The following DRC10 variants were observed in gnomAD, a reference collection of about 807,000 sequenced individuals.
The protein encoded by DRC10 is dynein regulatory complex subunit 10, also known as IQ domain-containing protein D.
chr12:113,196,024 C>G, the DRC10 span: 2 of 1,335,012 alleles, frequency 1.5e-6, no homozygotes, highest in East Asian at 2.5e-5. Flanking sequence ...CAGCATCTCT[C>G]GGTCCCAGTG....
chr12:113,216,266 A>T, the DRC10 span, among the ~76,000 whole-genome samples: 1 of 152,266 alleles, frequency 6.6e-6, no homozygotes, highest in Non-Finnish European at 1.5e-5. Context: ...AAGTGAAAGA[A>T]GCCAATCTGA....
chr12:113,207,033 CT>C, the DRC10 span: 2 of 343,786 alleles, frequency 5.8e-6, no homozygotes, highest in Non-Finnish European at 1.1e-5. Flanking sequence ...GCACTCTAGC[CT>C]GGGCAACAGA....
chr12:113,217,618 A>AC, the DRC10 span, among the ~76,000 whole-genome samples: 1 of 151,624 alleles, frequency 6.6e-6, no homozygotes, highest in Non-Finnish European at 1.5e-5. Context: ...TGCAACCTCC[A>AC]CCCCCCTGGT....
the DRC10 span, chr12:113,197,566 T>C: frequency 6.5e-7 from 1 of 1,534,352 alleles, no homozygotes; most frequent in Non-Finnish European, 8.7e-7. Context: ...CTCTGTATCA[T>C]ATTTCTGGAT....
chr12:113,217,016 G>A, the DRC10 span, among the ~76,000 whole-genome samples: 1 of 152,168 alleles, frequency 6.6e-6, no homozygotes, highest in Admixed American at 6.5e-5. Context: ...TTGAACCCAA[G>A]AGGCGTAGGT....
the DRC10 span, chr12:113,202,926 A>G: frequency 2.6e-6 from 1 of 384,248 alleles, no homozygotes; most frequent in South Asian, 1.9e-5. Context: ...ACACCATCTC[A>G]CAGGGTTTTT....
the DRC10 span, chr12:113,200,445 C>T: frequency 7.6e-6 from 6 of 794,002 alleles, no homozygotes; most frequent in Admixed American, 8.0e-5. Context: ...TTCCCCTCCA[C>T]CAAGCCACTT....
At chr12:113,207,691 A>AAG in the DRC10 span, 1 of 1,613,982 alleles carries the variant, frequency 6.2e-7, no homozygotes, top group African/African-American at 1.3e-5. Flanking sequence ...GTTGCTGAGC[A>AAG]AGAGTCTAAG....
At chr12:113,208,074 AGCTG>A in the DRC10 span, 4 of 1,614,236 alleles carry the variant, frequency 2.5e-6, no homozygotes, top group Non-Finnish European at 2.5e-6. Context: ...TTAGTGGATC[AGCTG>A]GCCTTTTAGA....
the DRC10 span, among the ~76,000 whole-genome samples, chr12:113,211,821 T>C: frequency 6.6e-6 from 1 of 152,010 alleles, no homozygotes; most frequent in Non-Finnish European, 1.5e-5. Flanking sequence ...ATCCAAGCAC[T>C]TTGGGAGGCC....
the DRC10 span, among the ~76,000 whole-genome samples, chr12:113,220,416 G>A: frequency 3.9e-4 from 59 of 151,958 alleles, no homozygotes; most frequent in Non-Finnish European, 7.5e-4. Context: ...TCCATGCTCA[G>A]CTAATTTTTG....
the DRC10 span, among the ~76,000 whole-genome samples, chr12:113,219,704 G>A: frequency 6.5e-4 from 99 of 151,190 alleles, no homozygotes; most frequent in Admixed American, 1.4e-3. Context: ...AGGGTTTTTC[G>A]CTCTGTCGCC....
the DRC10 span, among the ~76,000 whole-genome samples, chr12:113,198,771 G>A: frequency 7.2e-5 from 11 of 152,156 alleles, no homozygotes; most frequent in African/African-American, 2.4e-4. Flanking sequence ...ATTTTAAAAT[G>A]GTTTTATGTT....
At chr12:113,203,116 T>C in the DRC10 span, 2 of 432,496 alleles carry the variant, frequency 4.6e-6, no homozygotes, top group Non-Finnish European at 9.3e-6. Context: ...ACCTCTGCCT[T>C]CTGGGCGCAA....
At chr12:113,210,710 A>C in the DRC10 span, among the ~76,000 whole-genome samples, 1 of 109,108 alleles carries the variant, frequency 9.2e-6, no homozygotes, top group African/African-American at 3.6e-5. Context: ...CCCATCCCTC[A>C]CCCTGATTCT....
chr12:113,208,853 C>T, the DRC10 span, among the ~76,000 whole-genome samples: 1 of 152,186 alleles, frequency 6.6e-6, no homozygotes, highest in Non-Finnish European at 1.5e-5. Context: ...CTGAGCAGGA[C>T]AGGGACAGGG....
the DRC10 span, among the ~76,000 whole-genome samples, chr12:113,218,726 G>A: frequency 1.3e-5 from 2 of 152,354 alleles, no homozygotes; most frequent in African/African-American, 4.8e-5. Context: ...GGGATTACAG[G>A]CGTGAGCCAC....
chr12:113,195,947 T>C, the DRC10 span: 1 of 1,536,398 alleles, frequency 6.5e-7, no homozygotes, highest in Non-Finnish European at 8.7e-7. Context: ...CCCACCCTCC[T>C]CCCTGAGGCC....
chr12:113,205,231 TAA>T, the DRC10 span, among the ~76,000 whole-genome samples: 1 of 147,966 alleles, frequency 6.8e-6, no homozygotes, highest in African/African-American at 2.5e-5. Context: ...AATTTTTTTT[TAA>T]AAAAAAAAAG....
Sources: gnomAD v4.1 joint callset for allele counts (sites outside exome capture counted in the v4.1 genomes callset) on GRCh38, gnomAD v4.1.1 for gene constraint, MANE v1.5 for transcripts, NCBI Gene and HGNC (gene_info 2026-07-23, HGNC 2026-07-21) for gene names.